Variants in HMG20A observed in about 807,000 individuals in gnomAD.
HMG20A encodes the protein high mobility group protein 20A.
Under a neutral mutation model 43.9 loss-of-function variants are expected in HMG20A, and 17 were observed. The observed-to-expected ratio is 0.39, with a 90% CI of 0.27 to 0.58. The LOEUF (loss-of-function observed/expected upper bound fraction) is 0.58. HMG20A is among the 20% of genes least tolerant of loss of function. HMG20A has a pLI of 0.59. For synonymous variants in HMG20A, 132 were observed against 147.5 expected (o/e 0.89, Z 0.76); for missense variants, 341 against 438.2 (o/e 0.78, Z 1.98).
intron 1 of HMG20A, among the ~76,000 whole-genome samples, chr15:77,426,980 CATCTT>C (rs2073434080): frequency 6.6e-6 from 1 of 152,134 alleles, no homozygotes; most frequent in South Asian, 2.1e-4. Context: ...AGGAGAAAAA[CATCTT>C]ATGACCTTGA....
intron 1 of HMG20A, among the ~76,000 whole-genome samples, chr15:77,430,143 A>T (rs558108538): frequency 1.3e-5 from 2 of 152,350 alleles, no homozygotes; most frequent in African/African-American, 2.4e-5. Flanking sequence ...TACAATAAGA[A>T]TGTTTTTGTT....
intron 1 of HMG20A, among the ~76,000 whole-genome samples, chr15:77,457,869 G>T (rs568272027): frequency 1.3e-5 from 2 of 152,278 alleles, no homozygotes; most frequent in South Asian, 4.1e-4. Context: ...ATTCATCTGG[G>T]ACTGAGAACT....
At chr15:77,437,713 A>G (rs753621795) in intron 1 of HMG20A, among the ~76,000 whole-genome samples, 4 of 152,044 alleles carry the variant, frequency 2.6e-5, no homozygotes, top group Non-Finnish European at 5.9e-5. Context: ...CTGGGATTAC[A>G]GGCATGCGCC....
At chr15:77,424,903 A>G (rs1229523813) in intron 1 of HMG20A, among the ~76,000 whole-genome samples, 1 of 152,048 alleles carries the variant, frequency 6.6e-6, no homozygotes, top group Admixed American at 6.5e-5. Context: ...GACCTTTCAC[A>G]CTATGATCAT....
intron 9 of HMG20A, among the ~76,000 whole-genome samples, chr15:77,480,772 A>C (rs1324905293): frequency 6.7e-6 from 1 of 148,538 alleles, no homozygotes; most frequent in Non-Finnish European, 1.5e-5. Flanking sequence ...TTTGGTACTA[A>C]TGGTCATTTC....
At chr15:77,506,341 TC>T in the HMG20A span, among the ~76,000 whole-genome samples, 1 of 152,052 alleles carries the variant, frequency 6.6e-6, no homozygotes, top group Admixed American at 6.5e-5. Context: ...TGGGCAGTCC[TC>T]CCCTGTGCAC....
chr15:77,449,385 C>G (rs1329879445), intron 1 of HMG20A, among the ~76,000 whole-genome samples: 1 of 152,156 alleles, frequency 6.6e-6, no homozygotes, highest in African/African-American at 2.4e-5. Flanking sequence ...AGTTAACTGC[C>G]TGGCAGGATT....
chr15:77,514,858 G>C, the HMG20A span, among the ~76,000 whole-genome samples: 1 of 152,198 alleles, frequency 6.6e-6, no homozygotes, highest in Non-Finnish European at 1.5e-5. Flanking sequence ...AGCTCGGGGT[G>C]GCGGTGGCTT....
At chr15:77,444,053 CATAA>C (rs2073646286) in intron 1 of HMG20A, among the ~76,000 whole-genome samples, 1 of 152,156 alleles carries the variant, frequency 6.6e-6, no homozygotes, top group Non-Finnish European at 1.5e-5. Context: ...TATACTTTCT[CATAA>C]ATGTTTCATT....
At chr15:77,503,678 G>A in the HMG20A span, among the ~76,000 whole-genome samples, 3 of 152,206 alleles carry the variant, frequency 2.0e-5, no homozygotes, top group African/African-American at 7.2e-5. Flanking sequence ...CGATTCTAGG[G>A]GTGCTGCTCA....
chr15:77,441,991 G>A (rs1296916228), intron 1 of HMG20A, among the ~76,000 whole-genome samples: 2 of 152,138 alleles, frequency 1.3e-5, no homozygotes, highest in South Asian at 2.1e-4. Context: ...AGAGATGCCA[G>A]TGGAATTAGA....
the HMG20A span, among the ~76,000 whole-genome samples, chr15:77,506,931 A>G: frequency 1.3e-5 from 2 of 152,234 alleles, no homozygotes; most frequent in African/African-American, 2.4e-5. Context: ...GGTGTGGTTC[A>G]TGCTATGTGT....
chr15:77,490,105 G>A (rs1271333237), downstream of HMG20A, among the ~76,000 whole-genome samples: 1 of 152,044 alleles, frequency 6.6e-6, no homozygotes. Flanking sequence ...GTGAAACCAT[G>A]TTTGTATTTT....
intron 1 of HMG20A, among the ~76,000 whole-genome samples, chr15:77,454,399 A>T (rs1258574049): frequency 6.6e-6 from 1 of 152,168 alleles, no homozygotes; most frequent in East Asian, 1.9e-4. Context: ...CTTCCAAAAA[A>T]AGCAATTTAG....
intron 9 of HMG20A, among the ~76,000 whole-genome samples, chr15:77,481,651 T>A (rs2072906340): frequency 6.6e-6 from 1 of 152,216 alleles, no homozygotes; most frequent in Non-Finnish European, 1.5e-5. Flanking sequence ...CTTAGAATAT[T>A]ACTATTATCC....
intron 4 of HMG20A, among the ~76,000 whole-genome samples, chr15:77,469,283 T>C: frequency 8.6e-6 from 1 of 116,912 alleles, no homozygotes; most frequent in Non-Finnish European, 2.1e-5. Flanking sequence ...TTCCCCTAGA[T>C]TTAGCATCCA....
At chr15:77,470,828 C>T in intron 4 of HMG20A, 82 bp from the exon 5 acceptor site, 2 of 1,209,114 alleles carry the variant, frequency 1.7e-6, no homozygotes, top group Non-Finnish European at 2.2e-6. Flanking sequence ...TTCTAATTGT[C>T]CTGTTTTCTT....
At chr15:77,511,534 A>G in the HMG20A span, among the ~76,000 whole-genome samples, 1 of 152,260 alleles carries the variant, frequency 6.6e-6, no homozygotes, top group Non-Finnish European at 1.5e-5. Context: ...GAAAGCACAT[A>G]AGATAATATC....
chr15:77,458,396 C>T lies in HMG20A; in HGVS notation c.-4-8C>T. The T allele has an allele frequency of 1.3e-6, 2 of 1,597,382 alleles. No individual in the cohort carries two copies. The highest frequency in any genetic ancestry group is 1.7e-6 in the Non-Finnish European group (2 of 1,166,296). Reference sequence around the variant, plus strand: ...CATTAATTTTTTTTTATTCTCTTTTCCTTTCAGAGAGATGGAAAACTTGAT... The same window carrying T: ...CATTAATTTTTTTTTATTCTCTTTTTCTTTCAGAGAGATGGAAAACTTGAT... On this transcript the variant is annotated splice_region_variant and splice_polypyrimidine_tract_variant and intron_variant, in intron 1 of 9. Coordinates refer to ENST00000336216, the MANE Select transcript of HMG20A (RefSeq NM_001304504.2).
Sources: allele counts gnomAD v4.1 joint callset (sites outside exome capture counted in the v4.1 genomes callset), GRCh38; gene constraint gnomAD v4.1.1; transcripts MANE v1.5; gene names NCBI Gene and HGNC (gene_info 2026-07-23, HGNC 2026-07-21).